The following SOX5 variants were observed in gnomAD, a reference collection of about 807,000 sequenced individuals.
SOX5 encodes the protein SRY-box transcription factor 5.
SOX5 carries 9 observed loss-of-function variants against 92.0 expected under a neutral mutation model. The ratio of observed to expected loss-of-function variants is 0.10; its 90% CI spans 0.06 to 0.17. The LOEUF (loss-of-function observed/expected upper bound fraction) is 0.17. Among genes scored for constraint, SOX5 ranks in the 10% least tolerant of loss-of-function variants. The probability of loss-of-function intolerance (pLI) is 1.00; values close to 1 mark genes in which losing one functional copy is unlikely to be tolerated. For synonymous variants in SOX5, 344 were observed against 336.3 expected (o/e 1.02, Z -0.25); for missense variants, 642 against 944.5 (o/e 0.68, Z 4.20).
chr12:24,012,367 G>T (rs1953043370), intron 4 of SOX5, among the ~76,000 whole-genome samples: 1 of 152,090 alleles, frequency 6.6e-6, no homozygotes, highest in Non-Finnish European at 1.5e-5. Context: ...ACTGGAAAGA[G>T]TCCAGAAGAC....
intron 4 of SOX5, among the ~76,000 whole-genome samples, chr12:23,958,944 A>G (rs1260363338): frequency 6.6e-6 from 1 of 151,852 alleles, no homozygotes; most frequent in Admixed American, 6.6e-5. Context: ...GATAATGGGG[A>G]AAAGACCCCA....
intron 1 of SOX5, among the ~76,000 whole-genome samples, chr12:24,477,765 C>G (rs1945555741): frequency 6.6e-6 from 1 of 151,934 alleles, no homozygotes; most frequent in South Asian, 2.1e-4. Flanking sequence ...AATTGTTTAG[C>G]TATAAGTATT....
chr12:24,478,051 G>C (rs76287602), intron 1 of SOX5, among the ~76,000 whole-genome samples: 3,202 of 152,236 alleles, frequency 0.021, 41 homozygotes, highest in Middle Eastern at 0.034. Context: ...AATTCAATAT[G>C]TAAAAGTGAA....
intron 1 of SOX5, among the ~76,000 whole-genome samples, chr12:24,441,079 C>T (rs1219077560): frequency 1.3e-5 from 2 of 152,182 alleles, no homozygotes; most frequent in Non-Finnish European, 2.9e-5. Context: ...TCCACTGGAA[C>T]GGCTGCATTG....
chr12:23,755,557 A>G, intron 4 of SOX5, 81 bp downstream of exon 4: 2 of 1,030,104 alleles, frequency 1.9e-6, no homozygotes, highest in Non-Finnish European at 1.5e-6. Context: ...GTGAGGGCAG[A>G]AATACTTTAT....
At chr12:23,903,725 G>A in intron 1 of SOX5, among the ~76,000 whole-genome samples, 1 of 152,154 alleles carries the variant, frequency 6.6e-6, no homozygotes, top group East Asian at 1.9e-4. Context: ...TAAGTTTTTC[G>A]AGTAGCAAGA....
At chr12:23,646,539 T>C (rs894944501) in intron 7 of SOX5, among the ~76,000 whole-genome samples, 6 of 152,336 alleles carry the variant, frequency 3.9e-5, no homozygotes, top group Admixed American at 1.3e-4. Flanking sequence ...AAGATCTCTC[T>C]GTAGCATGTG....
chr12:24,558,478 C>A lies in SOX5; in HGVS notation c.-251+3851G>T, dbSNP rs7964665. On this transcript the variant is annotated intron_variant, in intron 1 of 4. Transcript: ENST00000446891. Reference sequence around the variant, plus strand: ...ATTAAATAGTCCTACAGAAATGTCCCCATATGGCCTGGCTAAAACAAACTA... The same window carrying A: ...ATTAAATAGTCCTACAGAAATGTCCACATATGGCCTGGCTAAAACAAACTA... 4.4e-3 allele frequency among the ~76,000 whole-genome samples: 677 copies of A among 152,224 alleles called. 1 individual carries two copies. Among genetic ancestry groups the A allele is most frequent in the African/African-American group, 0.015 (640 of 41,506 alleles).
intron 4 of SOX5, among the ~76,000 whole-genome samples, chr12:24,113,255 T>TA (rs10717747): frequency 0.036 from 4,249 of 118,120 alleles, 188 homozygotes; most frequent in African/African-American, 0.14. Flanking sequence ...TGTAGAATCA[T>TA]AAAAAAAAAA....
chr12:24,015,524 A>G (rs1269124953), intron 4 of SOX5, among the ~76,000 whole-genome samples: 1 of 152,128 alleles, frequency 6.6e-6, no homozygotes, highest in Non-Finnish European at 1.5e-5. Flanking sequence ...TGTTCCCCCA[A>G]TCAACAGCTT....
intron 10 of SOX5, 100 bp from the exon 11 acceptor site, chr12:23,563,503 G>A: frequency 2.2e-6 from 2 of 927,356 alleles, no homozygotes; most frequent in Non-Finnish European, 3.3e-6. Context: ...GGTAGTGTCT[G>A]GCCTATAATG....
At chr12:23,765,560 A>G (rs1356909342) in intron 3 of SOX5, among the ~76,000 whole-genome samples, 2 of 152,008 alleles carry the variant, frequency 1.3e-5, no homozygotes, top group African/African-American at 4.8e-5. Context: ...CTTTTCCTGC[A>G]TCACCAGAGA....
At chr12:24,147,252 G>T (rs1049666588) in intron 4 of SOX5, among the ~76,000 whole-genome samples, 1 of 152,100 alleles carries the variant, frequency 6.6e-6, no homozygotes, top group African/African-American at 2.4e-5. Flanking sequence ...AATTCAAGTG[G>T]AATTTATACC....
intron 4 of SOX5, among the ~76,000 whole-genome samples, chr12:24,105,816 A>C (rs1202022090): frequency 6.6e-6 from 1 of 152,172 alleles, no homozygotes; most frequent in Non-Finnish European, 1.5e-5. Context: ...GAAAGCATTC[A>C]GAATAAGTTT....
At chr12:24,073,324 C>CA (rs1340001799) in intron 4 of SOX5, among the ~76,000 whole-genome samples, 2 of 152,150 alleles carry the variant, frequency 1.3e-5, no homozygotes, top group African/African-American at 4.8e-5. Flanking sequence ...CACCAAAACA[C>CA]AAAAAACAAA....
intron 2 of SOX5, among the ~76,000 whole-genome samples, chr12:23,867,031 A>G (rs1671908136): frequency 6.6e-6 from 1 of 152,002 alleles, no homozygotes; most frequent in Non-Finnish European, 1.5e-5. Flanking sequence ...TTATTTTCTC[A>G]ACTCCACGCC....
chr12:24,425,960 G>A (rs974908393), intron 1 of SOX5, among the ~76,000 whole-genome samples: 2 of 152,188 alleles, frequency 1.3e-5, no homozygotes, highest in African/African-American at 2.4e-5. Flanking sequence ...CATTGATTGA[G>A]TGCGGTCATA....
chr12:23,718,945 G>C (rs374163169), intron 6 of SOX5, among the ~76,000 whole-genome samples: 2 of 152,156 alleles, frequency 1.3e-5, no homozygotes, highest in East Asian at 1.9e-4. Context: ...TGATCAGAGA[G>C]AGAAGGAGAA....
chr12:23,574,795 T>C (rs1462119214), intron 10 of SOX5, among the ~76,000 whole-genome samples: 1 of 152,194 alleles, frequency 6.6e-6, no homozygotes, highest in Non-Finnish European at 1.5e-5. Context: ...TAGGAATCTA[T>C]CTCTTCTTCA....
Sources: gnomAD v4.1 joint callset for allele counts (sites outside exome capture counted in the v4.1 genomes callset) on GRCh38, gnomAD v4.1.1 for gene constraint, MANE v1.5 for transcripts, NCBI Gene and HGNC (gene_info 2026-07-23, HGNC 2026-07-21) for gene names.